The following TP53BP1 variants were observed in gnomAD, a reference collection of about 807,000 sequenced individuals.
TP53BP1 encodes tumor protein p53 binding protein 1.
A neutral mutation model predicts 200.8 loss-of-function variants in TP53BP1; 61 were observed. The observed-to-expected ratio is 0.30, with a 90% CI of 0.25 to 0.38. TP53BP1 has a LOEUF of 0.38. Ranked by LOEUF, TP53BP1 falls within the 10% of genes least tolerant of loss-of-function variation. The probability of loss-of-function intolerance (pLI) is 1.00; values close to 1 mark genes in which losing one functional copy is unlikely to be tolerated. For synonymous variants in TP53BP1, 822 were observed against 844.3 expected (o/e 0.97, Z 0.46); for missense variants, 2,144 against 2,371.9 (o/e 0.90, Z 2.00).
chr15:43,481,865 A>C (rs2078973783), intron 4 of TP53BP1, among the ~76,000 whole-genome samples: 1 of 151,354 alleles, frequency 6.6e-6, no homozygotes. Flanking sequence ...GCTAAAGTGC[A>C]GTAGCACGAT....
Position 43,456,569 on chromosome 15 carries a change from T to C in TP53BP1, c.2039A>G (p.Gln680Arg), listed in dbSNP as rs768109735. The C allele has an allele frequency of 1.5e-5, 24 of 1,613,586 alleles. No homozygotes were observed. The highest frequency in any genetic ancestry group is 1.9e-5 in the Non-Finnish European group (23 of 1,179,858). Residue 680 changes from glutamine to arginine, a missense_variant, in exon 12 of 28, where the codon CAA becomes CGA. By Grantham distance (43) the Gln-to-Arg change is conservative. Around this residue, in one of 4 missense-constraint regions of TP53BP1, gnomAD observed 1,700 missense variants for 1,710.3 expected, o/e 0.99. Coordinates refer to ENST00000382044, the MANE Select transcript of TP53BP1 (RefSeq NM_001141980.3). ...ATTTTCTTCTTTGAGTTCCTCTCCT[T>C]GACTTTCACAAGGTGTCTCAGGGAT... ...EEIPETPCESQGEELKEENME... is the reference protein window; with the variant it reads ...EEIPETPCESRGEELKEENME...
At chr15:43,474,845 A>G in intron 9 of TP53BP1, 78 bp from the exon 10 acceptor site, 1 of 1,018,458 alleles carries the variant, frequency 9.8e-7, no homozygotes, top group South Asian at 1.4e-5. Flanking sequence ...TTACTTTTTA[A>G]CAGGAAAAAA....
chr15:43,451,906 A>G (rs2046179652), intron 12 of TP53BP1, among the ~76,000 whole-genome samples: 1 of 152,126 alleles, frequency 6.6e-6, no homozygotes, highest in Admixed American at 6.5e-5. Flanking sequence ...AGGCCAAGGC[A>G]GGTGGATTAC....
At chr15:43,494,993 A>G (rs1161388186), upstream of TP53BP1, among the ~76,000 whole-genome samples, 5 of 151,120 alleles carry the variant, frequency 3.3e-5, no homozygotes, top group Admixed American at 2.0e-4. Context: ...ATTTGAGACC[A>G]GCCTGGGCAA....
intron 7 of TP53BP1, among the ~76,000 whole-genome samples, chr15:43,479,031 C>T (rs1286212920): frequency 6.6e-6 from 1 of 152,056 alleles, no homozygotes; most frequent in African/African-American, 2.4e-5. Flanking sequence ...AGCAACATAG[C>T]GAGACTCCAT....
upstream of TP53BP1, among the ~76,000 whole-genome samples, chr15:43,493,368 G>A (rs571302220): frequency 1.8e-4 from 27 of 152,188 alleles, no homozygotes; most frequent in African/African-American, 6.5e-4. Context: ...TGAACCGAAG[G>A]GACCTTGAGA....
intron 10 of TP53BP1, among the ~76,000 whole-genome samples, chr15:43,471,021 C>A (rs1258280993): frequency 6.6e-6 from 1 of 152,134 alleles, no homozygotes; most frequent in Non-Finnish European, 1.5e-5. Context: ...TTTTGTTGCA[C>A]CTTTTGAACT....
intron 1 of TP53BP1, among the ~76,000 whole-genome samples, chr15:43,503,225 A>G (rs1271192401): frequency 6.6e-6 from 1 of 152,260 alleles, no homozygotes; most frequent in African/African-American, 2.4e-5. Flanking sequence ...AATCACCCAA[A>G]AAGTTCCCTG....
intron 24 of TP53BP1, among the ~76,000 whole-genome samples, chr15:43,412,256 AAATGCCAACC>A (rs1353017427): frequency 1.3e-5 from 2 of 152,186 alleles, no homozygotes; most frequent in African/African-American, 4.8e-5. Context: ...CACACACCTG[AAATGCCAACC>A]CTCACAGATG....
At chr15:43,458,061 A>G (rs1339861049) in intron 11 of TP53BP1, among the ~76,000 whole-genome samples, 1 of 152,062 alleles carries the variant, frequency 6.6e-6, no homozygotes, top group Non-Finnish European at 1.5e-5. Context: ...AATAAAATCC[A>G]AAGCTTACAA....
chr15:43,410,961 G>A (rs567625747), intron 24 of TP53BP1, among the ~76,000 whole-genome samples: 4 of 152,274 alleles, frequency 2.6e-5, no homozygotes, highest in African/African-American at 9.6e-5. Context: ...TCAGAATACA[G>A]CAGGGCTATT....
In TP53BP1 at chr15:43,403,639, G is replaced by A; in HGVS notation, c.*3744C>T. The stretch of plus-strand genomic sequence containing the variant: ...CTCCTAACACTTTAACTTCATGGAT[G>A]TACCTTCCTTCCTTTCCTAATGCCA... On this transcript the variant is annotated 3_prime_UTR_variant, in exon 28 of 28. Coordinates refer to ENST00000382044, the MANE Select transcript of TP53BP1 (RefSeq NM_001141980.3). 7.2e-7 allele frequency: 1 copy of A among 1,386,958 alleles called. No individual in the cohort carries two copies. The highest frequency in any genetic ancestry group is 1.0e-6 in the Non-Finnish European group (1 of 978,874). 85.9% of individuals were successfully genotyped at this position (1,386,958 alleles called of 1,614,324 possible). A position where few individuals can be genotyped will look rare whatever the true frequency, so the allele number is the denominator to read the frequency against.
chr15:43,427,394 T>G (rs1207831890), intron 18 of TP53BP1, among the ~76,000 whole-genome samples: 1 of 152,210 alleles, frequency 6.6e-6, no homozygotes, highest in Non-Finnish European at 1.5e-5. Flanking sequence ...CCATTTGAGT[T>G]TCTAAGGATT....
intron 14 of TP53BP1, among the ~76,000 whole-genome samples, chr15:43,442,090 T>A (rs938125951): frequency 6.7e-6 from 1 of 148,550 alleles, no homozygotes; most frequent in African/African-American, 2.5e-5. Flanking sequence ...TAATTTTTTT[T>A]TTTTTTTTTT....
Position 43,404,050 on chromosome 15 carries a change from T to TCTAA in TP53BP1, c.*3329_*3332dup, listed in dbSNP as rs762829633. The TCTAA allele has an allele frequency of 1.3e-5, 7 of 539,378 alleles. No individual in the cohort carries two copies. The highest frequency in any genetic ancestry group is 2.3e-5 in the Non-Finnish European group (7 of 303,234). The allele number at this position is 539,378 out of a possible 1,614,324, so 33.4% of individuals were successfully genotyped here. A position where few individuals can be genotyped will look rare whatever the true frequency, so the allele number is the denominator to read the frequency against. On this transcript the variant is annotated 3_prime_UTR_variant, in exon 28 of 28. Coordinates refer to ENST00000382044, the MANE Select transcript of TP53BP1 (RefSeq NM_001141980.3). ...GCCCATCAAATAAGCATTGGGTTGTTCTAACTTCCTCACATCCTCCCCCCT... is the reference window on the plus strand; with the variant it reads ...GCCCATCAAATAAGCATTGGGTTGTTCTAACTAACTTCCTCACATCCTCCCCCCT...
intron 4 of TP53BP1, among the ~76,000 whole-genome samples, chr15:43,484,187 C>T (rs1246227313): frequency 2.6e-5 from 4 of 152,200 alleles, no homozygotes; most frequent in African/African-American, 4.8e-5. Context: ...CTGCCAGGCA[C>T]GGTGGCATAC....
At position 43,470,150 on chromosome 15, in the gene TP53BP1, T is replaced by C. The variant is rs2046691150; in HGVS notation, c.1181-84A>G. 4 of 1,121,280 alleles carry C rather than the reference T, an allele frequency of 3.6e-6. No individual in the cohort carries two copies. In the South Asian group the frequency reaches 5.5e-5, roughly 15 times the overall value. 69.5% of individuals were successfully genotyped at this position (1,121,280 alleles called of 1,614,324 possible). A position where few individuals can be genotyped will look rare whatever the true frequency, so the allele number is the denominator to read the frequency against. ...CCAAAACCACTAAGAACAATTACAC[T>C]ACAGACATTTTCACTCTAAAAAAAT... On this transcript the variant is annotated intron_variant, in intron 10 of 27. Coordinates refer to ENST00000382044, the MANE Select transcript of TP53BP1 (RefSeq NM_001141980.3).
Position 43,491,706 on chromosome 15 carries a change from C to T in TP53BP1, c.334G>A (p.Val112Ile), listed in dbSNP as rs769683186. 1.5e-5 allele frequency: 24 copies of T among 1,613,972 alleles called. 2 individuals carry two copies. In the South Asian group the frequency reaches 2.6e-4, roughly 18 times the overall value. The change falls in exon 4 of 28, where the codon GTC (valine) becomes ATC (isoleucine). Residue 112 changes from valine to isoleucine, a missense_variant. Physicochemically the swap from Val to Ile is conservative, Grantham distance 29. This residue lies in a region of TP53BP1 where 1,700 missense variants were observed against 1,710.3 expected (regional missense o/e 0.99). Transcript: ENST00000382044. The part of the protein sequence containing the change: ...NLDTCGSISQ[V>I]IEQLPQPNRT... ...TTTGGCTGAGGTAACTGCTCAATGA[C>T]CTGACTGATGGAACCACATGTGTCC...
intron 1 of TP53BP1, among the ~76,000 whole-genome samples, chr15:43,503,040 A>G (rs1342558004): frequency 1.3e-5 from 2 of 152,214 alleles, no homozygotes; most frequent in Non-Finnish European, 2.9e-5. Context: ...TGCGTGAGCC[A>G]CCTTGCCCGG....
Sources: gnomAD v4.1 joint callset for allele counts (sites outside exome capture counted in the v4.1 genomes callset) on GRCh38, gnomAD v4.1.1 for gene constraint, gnomAD v4.1.1 regional missense constraint, MANE v1.5 for transcripts, NCBI Gene and HGNC (gene_info 2026-07-23, HGNC 2026-07-21) for gene names.